The following KIF15 variants were observed in gnomAD, a reference collection of about 807,000 sequenced individuals.
KIF15 encodes kinesin-like protein KIF15.
KIF15 carries 140 observed loss-of-function variants against 190.6 expected under a neutral mutation model. The ratio of observed to expected loss-of-function variants is 0.73; its 90% CI spans 0.64 to 0.84. The LOEUF (loss-of-function observed/expected upper bound fraction) is 0.84. KIF15 is among the 40% of genes least tolerant of loss of function. The pLI is 0.00. For missense variants in KIF15, 1,372 were observed against 1,584.4 expected, an observed-to-expected ratio of 0.87 and a Z score of 2.28; for synonymous variants, 528 against 551.3, an observed-to-expected ratio of 0.96 and a Z score of 0.59.
In KIF15 at chr3:44,832,892, G is replaced by A. The variant is rs148070794; in HGVS notation, c.3171+1874G>A. ...TAGCAAGGTGTGGTGGTGCGTGCCT[G>A]TAATCCCAGCTATTCAGGAGGCCAA... On this transcript the variant is annotated intron_variant, in intron 26 of 34. Coordinates refer to ENST00000326047, the MANE Select transcript of KIF15 (RefSeq NM_020242.3). Among the ~76,000 whole-genome samples, 538 of 151,486 alleles carry A rather than the reference G, an allele frequency of 3.6e-3. 1 individual carries two copies. Among genetic ancestry groups the A allele is most frequent in the African/African-American group, 0.013 (524 of 41,264 alleles).
intron 2 of KIF15, 66 bp downstream of exon 2, chr3:44,774,503 A>G: frequency 1.4e-6 from 2 of 1,382,688 alleles, no homozygotes; most frequent in Non-Finnish European, 2.0e-6. Flanking sequence ...TAAAATAACC[A>G]TTTAGCATAG....
At chr3:44,787,544 T>G (rs7646253) in intron 7 of KIF15, among the ~76,000 whole-genome samples, 1 of 152,172 alleles carries the variant, frequency 6.6e-6, no homozygotes, top group Non-Finnish European at 1.5e-5. Flanking sequence ...CGGCGAGAGA[T>G]AGGTTGTACA....
In KIF15 at chr3:44,826,068, A is replaced by G. The variant is rs760494982; in HGVS notation, c.2579A>G (p.Lys860Arg). Reference protein sequence around the residue: ...RLENEKLLESKACLQDSYDNL... With the variant: ...RLENEKLLESRACLQDSYDNL... ...GAAAACGAAAAGCTGCTTGAGAGCA[A>G]AGCCTGCCTACAGGATTCCTATGAC... The change falls in exon 21 of 35, where the codon AAA (lysine) becomes AGA (arginine). Residue 860 changes from lysine (K) to arginine (R), a missense_variant. By Grantham distance (26) the Lys-to-Arg change is conservative (BLOSUM62 2). Coordinates refer to ENST00000326047, the MANE Select transcript of KIF15 (RefSeq NM_020242.3). 1.6e-5 allele frequency: 26 copies of G among 1,585,948 alleles called. No homozygotes were observed. In the East Asian group the frequency reaches 5.6e-4, roughly 34 times the overall value.
Position 44,794,402 on chromosome 3 carries a change from C to A in KIF15, c.825C>A (p.Thr275=). ...CAGGATCTGAAAGGCAAAAAGATAC[C>A]CATGCAGAAGGGATGAGATTGAAGG... The part of the protein sequence containing the change: ...DLAGSERQKD[T]HAEGMRLKEA... Residue 275 remains threonine (T), a synonymous_variant, in exon 8 of 35, where the codon ACC becomes ACA. Coordinates refer to ENST00000326047, the MANE Select transcript of KIF15 (RefSeq NM_020242.3). 1 of 1,608,190 alleles carries A rather than the reference C, an allele frequency of 6.2e-7. No individual in the cohort carries two copies.
Position 44,802,831 on chromosome 3 carries a change from A to G in KIF15, c.1527A>G (p.Arg509=). 2 of 1,585,862 alleles carry G rather than the reference A, an allele frequency of 1.3e-6. No homozygotes were observed. Among genetic ancestry groups the G allele is most frequent in the Non-Finnish European group, 1.7e-6 (2 of 1,171,864 alleles). The change falls in exon 14 of 35, where the codon AGA becomes AGG. Residue 509 remains arginine, a synonymous_variant. Transcript: ENST00000326047. The part of the protein sequence containing the change: ...TLREQIEHHP[R]VAKYAMENHS... ...TGTCACAGATAGAGCACCACCCCAG[A>G]GTTGCAAAGTATGCTATGGAAAATC...
intron 7 of KIF15, among the ~76,000 whole-genome samples, chr3:44,790,016 T>C (rs752268384): frequency 6.6e-5 from 10 of 152,090 alleles, no homozygotes; most frequent in Non-Finnish European, 1.5e-4. Context: ...GTCATGGTGT[T>C]GGGTTAAATC....
intron 32 of KIF15, 59 bp downstream of exon 32, chr3:44,848,617 A>G: frequency 1.2e-6 from 1 of 801,294 alleles, no homozygotes; most frequent in South Asian, 1.8e-5. Context: ...TCTCCTCTAA[A>G]GGAATGATAT....
At chr3:44,789,682 AT>A (rs1706588325) in intron 7 of KIF15, among the ~76,000 whole-genome samples, 3 of 63,326 alleles carry the variant, frequency 4.7e-5, no homozygotes, top group African/African-American at 1.5e-4. Context: ...ATATATATAT[AT>A]ATATATATAA....
intron 6 of KIF15, chr3:44,865,180 G>C (rs370858413): frequency 6.2e-7 from 1 of 1,614,176 alleles, no homozygotes; most frequent in Non-Finnish European, 8.5e-7. Flanking sequence ...AGCAGCAGTA[G>C]CACCACTTGG....
intron 30 of KIF15, among the ~76,000 whole-genome samples, chr3:44,846,187 A>T (rs1034454871): frequency 2.0e-5 from 3 of 152,224 alleles, no homozygotes; most frequent in Non-Finnish European, 4.4e-5. Flanking sequence ...CAGAGAAGTG[A>T]CAGGGAAACT....
intron 3 of KIF15, 103 bp downstream of exon 3, chr3:44,775,540 C>T (rs1274922472): frequency 7.6e-6 from 6 of 786,582 alleles, no homozygotes; most frequent in African/African-American, 1.7e-5. Context: ...ACTGCACCCT[C>T]TGCCTCCCGG....
At position 44,778,244 on chromosome 3, in the gene KIF15, G is replaced by A. The variant is rs941067925; in HGVS notation, c.323+53G>A. 8 of 1,363,636 alleles carry A rather than the reference G, an allele frequency of 5.9e-6. No homozygotes were observed. The African/African-American group carries it at 1.0e-4, about 17-fold the overall frequency. The allele number at this position is 1,363,636 out of a possible 1,614,324, so 84.5% of individuals were successfully genotyped here. ...TAGTACATGCTTGAATTATTTTCCT[G>A]TTGCTGTTGTAACAAATTACCACAA... On this transcript the variant is annotated intron_variant, in intron 4 of 34. Coordinates refer to ENST00000326047, the MANE Select transcript of KIF15 (RefSeq NM_020242.3).
downstream of KIF15, among the ~76,000 whole-genome samples, chr3:44,855,681 T>TG (rs1203160784): frequency 2.0e-5 from 3 of 151,932 alleles, no homozygotes; most frequent in Admixed American, 1.3e-4. Flanking sequence ...GGGGTGATAT[T>TG]GTGGGGTTGT....
chr3:44,802,321 T>A (rs1337491419), intron 13 of KIF15, among the ~76,000 whole-genome samples: 1 of 152,198 alleles, frequency 6.6e-6, no homozygotes, highest in African/African-American at 2.4e-5. Flanking sequence ...AATGGATAGG[T>A]CATACAGGTA....
chr3:44,774,486 A>C, intron 2 of KIF15, 49 bp downstream of exon 2: 3 of 1,473,820 alleles, frequency 2.0e-6, no homozygotes, highest in Non-Finnish European at 2.8e-6. Flanking sequence ...TAGGGATGGA[A>C]TATTTTTAAA....
chr3:44,765,267 T>G (rs1705328716), intron 1 of KIF15, among the ~76,000 whole-genome samples: 1 of 152,252 alleles, frequency 6.6e-6, no homozygotes, highest in Non-Finnish European at 1.5e-5. Flanking sequence ...TGCAGATCAG[T>G]ATCCATCTAA....
At chr3:44,821,087 C>T (rs1218216739) in intron 20 of KIF15, among the ~76,000 whole-genome samples, 3 of 147,810 alleles carry the variant, frequency 2.0e-5, no homozygotes, top group Non-Finnish European at 3.0e-5. Context: ...GGCTGACCCC[C>T]CCCACCTCCC....
intron 1 of KIF15, 152 bp downstream of exon 1, chr3:44,762,036 C>G: frequency 2.1e-6 from 2 of 943,662 alleles, no homozygotes; most frequent in South Asian, 1.4e-5. Context: ...CCCGCTCTGT[C>G]GCTCAAAGAC....
chr3:44,766,976 A>G (rs1455561903), intron 1 of KIF15, among the ~76,000 whole-genome samples: 2 of 151,612 alleles, frequency 1.3e-5, no homozygotes, highest in Admixed American at 6.6e-5. Flanking sequence ...ATGCCTGGCT[A>G]ATTTTTTGTA....
Sources: gnomAD v4.1 joint callset for allele counts (sites outside exome capture counted in the v4.1 genomes callset) on GRCh38, gnomAD v4.1.1 for gene constraint, MANE v1.5 for transcripts, NCBI Gene and HGNC (gene_info 2026-07-23, HGNC 2026-07-21) for gene names.